FRMD6: variants seen among roughly 807,000 people sequenced by gnomAD.
FRMD6 encodes the protein FERM domain-containing protein 6.
FRMD6 carries 37 observed loss-of-function variants against 73.2 expected under a neutral mutation model. The ratio of observed to expected loss-of-function variants is 0.51; its 90% CI spans 0.39 to 0.66. The LOEUF is 0.66. Among genes scored for constraint, FRMD6 ranks in the 30% least tolerant of loss-of-function variants. FRMD6 has a pLI of 0.00. For missense variants in FRMD6, 714 were observed against 780.5 expected (o/e 0.91, Z 1.02); for synonymous variants, 273 against 282.2 (o/e 0.97, Z 0.33).
chr14:51,487,384 T>C (rs553686717), upstream of FRMD6, among the ~76,000 whole-genome samples: 8 of 152,360 alleles, frequency 5.3e-5, no homozygotes, highest in Non-Finnish European at 1.2e-4. Flanking sequence ...GCTGACTATA[T>C]GAAAACAATC....
intron 1 of FRMD6, among the ~76,000 whole-genome samples, chr14:51,498,853 G>A (rs1883449764): frequency 6.6e-6 from 1 of 152,278 alleles, no homozygotes; most frequent in Middle Eastern, 3.4e-3. Context: ...TCTACCACTA[G>A]ATCTCATAGG....
chr14:51,629,833 A>G (rs767923375), intron 2 of FRMD6, among the ~76,000 whole-genome samples: 7 of 152,208 alleles, frequency 4.6e-5, no homozygotes, highest in Non-Finnish European at 1.0e-4. Context: ...TTTTTCATCT[A>G]TAAAATAAGA....
chr14:51,413,747 A>G, the FRMD6 span, among the ~76,000 whole-genome samples: 3 of 152,198 alleles, frequency 2.0e-5, no homozygotes, highest in African/African-American at 7.2e-5. Flanking sequence ...GTCTTCCACA[A>G]TGGTTGAACT....
chr14:51,709,555 G>GT (rs935181083), intron 7 of FRMD6, among the ~76,000 whole-genome samples: 2 of 152,076 alleles, frequency 1.3e-5, no homozygotes, highest in Non-Finnish European at 2.9e-5. Context: ...ACCAACTGAT[G>GT]TTTTTTCTAT....
At chr14:51,650,840 T>C (rs1464109177), upstream of FRMD6, 3 of 152,366 alleles carry the variant, frequency 2.0e-5, no homozygotes, top group East Asian at 3.9e-4. Context: ...GAGGGCGTTT[T>C]TGCCACCCGT....
chr14:51,562,156 T>C (rs2139516524), intron 1 of FRMD6, among the ~76,000 whole-genome samples: 1 of 152,354 alleles, frequency 6.6e-6, no homozygotes, highest in East Asian at 1.9e-4. Context: ...TTTCCATCTT[T>C]CACCCCCACA....
At chr14:51,457,696 G>C in the FRMD6 span, among the ~76,000 whole-genome samples, 11 of 152,306 alleles carry the variant, frequency 7.2e-5, no homozygotes, top group East Asian at 1.9e-3. Context: ...GCTGTAATTG[G>C]GTGAAGGGTC....
chr14:51,642,037 G>A (rs1312719840), intron 2 of FRMD6, among the ~76,000 whole-genome samples: 2 of 152,116 alleles, frequency 1.3e-5, no homozygotes, highest in African/African-American at 4.8e-5. Flanking sequence ...ATAAGGCCAC[G>A]TACCTTTTGT....
At chr14:51,688,986 A>G (rs1193335552) in intron 1 of FRMD6, among the ~76,000 whole-genome samples, 1 of 152,246 alleles carries the variant, frequency 6.6e-6, no homozygotes, top group African/African-American at 2.4e-5. Context: ...CATTTTTTCT[A>G]TACAAACATG....
At chr14:51,456,927 A>G in the FRMD6 span, among the ~76,000 whole-genome samples, 1 of 152,292 alleles carries the variant, frequency 6.6e-6, no homozygotes, top group South Asian at 2.1e-4. Context: ...ACAGTGATAT[A>G]TGGAATCTAA....
chr14:51,617,386 G>T (rs764417815), intron 2 of FRMD6, among the ~76,000 whole-genome samples: 14 of 152,186 alleles, frequency 9.2e-5, no homozygotes, highest in Non-Finnish European at 1.8e-4. Context: ...AGGGAATGAT[G>T]ACCAAGAGGA....
chr14:51,627,726 AC>A (rs1233706824), intron 2 of FRMD6, among the ~76,000 whole-genome samples: 1 of 152,152 alleles, frequency 6.6e-6, no homozygotes, highest in Non-Finnish European at 1.5e-5. Flanking sequence ...CTCTCCTGTT[AC>A]CCGACCTGCT....
intron 1 of FRMD6, among the ~76,000 whole-genome samples, chr14:51,500,346 G>A (rs1883539677): frequency 6.6e-6 from 1 of 152,010 alleles, no homozygotes; most frequent in Non-Finnish European, 1.5e-5. Context: ...GACCTACATG[G>A]TGAAACCCTG....
At chr14:51,608,119 G>T (rs890966809) in intron 2 of FRMD6, among the ~76,000 whole-genome samples, 2 of 152,258 alleles carry the variant, frequency 1.3e-5, no homozygotes, top group African/African-American at 4.8e-5. Context: ...CGGTGATTTG[G>T]GAGAGGGAGC....
chr14:51,698,068 A>T, intron 2 of FRMD6, 74 bp from the exon 3 acceptor site: 1 of 1,020,986 alleles, frequency 9.8e-7, no homozygotes, highest in Non-Finnish European at 1.5e-6. Flanking sequence ...ACGATGCATT[A>T]AATTGCCTGA....
At chr14:51,696,934 T>A (rs1336777063) in intron 2 of FRMD6, among the ~76,000 whole-genome samples, 2 of 151,990 alleles carry the variant, frequency 1.3e-5, no homozygotes, top group Non-Finnish European at 2.9e-5. Flanking sequence ...TATGAAAAAA[T>A]GCTCGGCATC....
intron 2 of FRMD6, among the ~76,000 whole-genome samples, chr14:51,580,186 C>T (rs932148353): frequency 1.3e-5 from 2 of 152,010 alleles, no homozygotes; most frequent in Admixed American, 1.3e-4. Context: ...TGGGGATTAT[C>T]TGGCTACCTC....
chr14:51,665,316 G>T (rs528103088), intron 1 of FRMD6, among the ~76,000 whole-genome samples: 2 of 152,318 alleles, frequency 1.3e-5, no homozygotes, highest in South Asian at 4.2e-4. Context: ...TTGGGACCAA[G>T]CTGTTGTAGG....
intron 1 of FRMD6, among the ~76,000 whole-genome samples, chr14:51,512,995 C>G (rs931101532): frequency 6.6e-6 from 1 of 152,154 alleles, no homozygotes; most frequent in Non-Finnish European, 1.5e-5. Flanking sequence ...CAAAAGTAGC[C>G]TTTCAGAGGA....
Sources: allele counts gnomAD v4.1 joint callset (sites outside exome capture counted in the v4.1 genomes callset), GRCh38; gene constraint gnomAD v4.1.1; transcripts MANE v1.5; gene names NCBI Gene and HGNC (gene_info 2026-07-23, HGNC 2026-07-21).